The following REL variants were observed in gnomAD, a reference collection of about 807,000 sequenced individuals.
REL encodes the protein REL proto-oncogene, NF-kB subunit.
A neutral mutation model predicts 45.9 loss-of-function variants in REL; 15 were observed. That is an observed-to-expected ratio of 0.33 (90% CI 0.22 to 0.50). REL has a LOEUF of 0.50. REL is among the 20% of genes least tolerant of loss of function. The probability of loss-of-function intolerance (pLI) is 0.98; values close to 1 mark genes in which losing one functional copy is unlikely to be tolerated. For synonymous variants in REL, 239 were observed against 242.1 expected, an observed-to-expected ratio of 0.99 and a Z score of 0.12; for missense variants, 601 against 715.2, an observed-to-expected ratio of 0.84 and a Z score of 1.82.
chr2:60,920,288 G>GC (rs1674102965), intron 8 of REL, 179 bp downstream of exon 8: 1 of 622,956 alleles, frequency 1.6e-6, no homozygotes, highest in Admixed American at 3.0e-5. Flanking sequence ...TGCAACCTCT[G>GC]CCCCCCAGGT....
rs34661029 is a variant in REL, at chr2:60,921,853, C to G, written c.1082C>G (p.Pro361Arg). The G allele has an allele frequency of 1.0e-3, 1,647 of 1,614,094 alleles. 12 individuals are homozygous for G. In the African/African-American group the frequency reaches 0.019, roughly 19 times the overall value. The change falls in exon 10 of 10, where the codon CCC becomes CGC. Residue 361 changes from proline (P) to arginine (R), a missense_variant. By Grantham distance (103) the Pro-to-Arg change is moderately radical. This residue lies in a region of REL where 334 missense variants were observed against 333.1 expected (regional missense o/e 1.00). Coordinates refer to ENST00000394479, the MANE Select transcript of REL (RefSeq NM_001291746.2). ...GAATCCTACTATCCCTCACCTGGGC[C>G]CATCTCAAGTGGATTGTCACATCAT... ...QAESYYPSPGPISSGLSHHAS... is the reference protein window; with the variant it reads ...QAESYYPSPGRISSGLSHHAS...
Position 60,918,712 on chromosome 2 carries a change from A to G in REL, c.853+106A>G, listed in dbSNP as rs935264709. 7.8e-6 allele frequency: 6 copies of G among 774,058 alleles called. No individual in the cohort carries two copies. In the African/African-American group the frequency reaches 8.9e-5, roughly 11 times the overall value. 47.9% of individuals were successfully genotyped at this position (774,058 alleles called of 1,614,324 possible). On this transcript the variant is annotated intron_variant, in intron 7 of 9. Transcript: ENST00000394479. ...GTACAGTTATGTATATTCATAATTT[A>G]TGTTTCTTTTCCTGGAAGCTTTCTG...
intron 4 of REL, chr2:60,911,228 A>C (rs1673804284): frequency 6.6e-6 from 1 of 152,204 alleles, no homozygotes; most frequent in African/African-American, 2.4e-5. Context: ...AAATAAAACT[A>C]TAATTATTTG....
Position 60,929,667 on chromosome 2 carries a change from T to G in REL, c.*7132T>G, listed in dbSNP as rs1674344853. 4.1e-5 allele frequency: 4 copies of G among 96,492 alleles called. No homozygotes were observed. The highest frequency in any genetic ancestry group is 3.4e-4 in the East Asian group (1 of 2,960). The allele number at this position is 96,492 out of a possible 1,614,324, so 6.0% of individuals were successfully genotyped here. A position where few individuals can be genotyped will look rare whatever the true frequency, so the allele number is the denominator to read the frequency against. On this transcript the variant is annotated 3_prime_UTR_variant, in exon 10 of 10. Transcript: ENST00000394479. ...AGGGGAATATCACACTGGGGACTGT[T>G]GTGGGGTGGGGGGAGGGGGGAGGGA...
chr2:60,918,049 G>C (rs1674031601), intron 5 of REL, 142 bp from the exon 6 acceptor site: 2 of 586,746 alleles, frequency 3.4e-6, no homozygotes, highest in East Asian at 5.7e-5. Context: ...CAGATAAATA[G>C]ATGATTAATG....
At chr2:60,903,344 G>A (rs1390778144) in intron 4 of REL, among the ~76,000 whole-genome samples, 1 of 152,180 alleles carries the variant, frequency 6.6e-6, no homozygotes, top group Non-Finnish European at 1.5e-5. Context: ...CATTAAAAAG[G>A]AAGATGCTGT....
intron 3 of REL, chr2:60,899,691 G>C (rs1004222378): frequency 2.6e-5 from 4 of 152,216 alleles, no homozygotes; most frequent in Non-Finnish European, 4.4e-5. Flanking sequence ...ATTGAGTTTT[G>C]CTTCCTTATT....
intron 1 of REL, 93 bp downstream of exon 1, chr2:60,881,943 C>A: frequency 2.4e-6 from 2 of 837,786 alleles, no homozygotes; most frequent in Non-Finnish European, 3.4e-6. Context: ...TCAGTTTTTG[C>A]TGGGGCGCGT....
intron 3 of REL, chr2:60,900,249 A>T (rs922280937): frequency 6.6e-6 from 1 of 152,268 alleles, no homozygotes; most frequent in Admixed American, 6.5e-5. Flanking sequence ...TTTTAAAAAT[A>T]TAGGCAACAC....
intron 4 of REL, among the ~76,000 whole-genome samples, chr2:60,911,994 CA>C (rs763342298): frequency 0.073 from 2,712 of 37,322 alleles, 22 homozygotes; most frequent in African/African-American, 0.17. Context: ...AAGACTGTCT[CA>C]AAAAAAAAAA....
chr2:60,910,597 G>T (rs947573580), intron 4 of REL, among the ~76,000 whole-genome samples: 14 of 151,956 alleles, frequency 9.2e-5, no homozygotes, highest in African/African-American at 3.4e-4. Flanking sequence ...GAGAGAAGTC[G>T]ATTGGTCTCA....
intron 4 of REL, among the ~76,000 whole-genome samples, chr2:60,906,385 C>A (rs1462945035): frequency 6.6e-6 from 1 of 152,154 alleles, no homozygotes; most frequent in Non-Finnish European, 1.5e-5. Context: ...ATTAATTTTA[C>A]AATCAGTGGT....
rs537851322 is a variant in REL at position 60,927,191 on chromosome 2, G to A, written c.*4656G>A. On this transcript the variant is annotated 3_prime_UTR_variant, in exon 10 of 10. Transcript: ENST00000394479. ...AGTCCCTAGTATACTAGTTGGTGCT[G>A]AATAAATAGTAGCTATTATTAGAAA... 26 of 225,830 alleles carry A rather than the reference G, an allele frequency of 1.2e-4. 1 individual carries two copies. Among genetic ancestry groups the A allele is most frequent in the African/African-American group, 4.2e-4 (19 of 45,036 alleles). 14.0% of individuals were successfully genotyped at this position (225,830 alleles called of 1,614,324 possible).
chr2:60,918,995 G>A (rs1674058344), intron 7 of REL, among the ~76,000 whole-genome samples: 1 of 152,118 alleles, frequency 6.6e-6, no homozygotes, highest in Non-Finnish European at 1.5e-5. Flanking sequence ...GTTTCACCAT[G>A]TTGGCTAGGC....
At chr2:60,912,090 C>A in intron 4 of REL, among the ~76,000 whole-genome samples, 1 of 145,196 alleles carries the variant, frequency 6.9e-6, no homozygotes, top group Non-Finnish European at 1.5e-5. Context: ...TAAACAGGAA[C>A]AGAATATAGA....
chr2:60,900,816 C>T (rs1191184472), intron 3 of REL, 176 bp from the exon 4 acceptor site: 1 of 576,078 alleles, frequency 1.7e-6, no homozygotes, highest in East Asian at 3.6e-5. Context: ...AGCCACGCGC[C>T]CAGCCATATA....
At chr2:60,884,365 A>G (rs992462974) in intron 1 of REL, among the ~76,000 whole-genome samples, 2 of 149,630 alleles carry the variant, frequency 1.3e-5, no homozygotes, top group African/African-American at 4.9e-5. Context: ...TGTATATAAT[A>G]TGATTCTAAA....
At chr2:60,902,047 A>AGG (rs749514002) in intron 4 of REL, among the ~76,000 whole-genome samples, 9 of 152,284 alleles carry the variant, frequency 5.9e-5, no homozygotes, top group Non-Finnish European at 1.0e-4. Context: ...TCCTATACTT[A>AGG]GAGTAGCCTC....
At position 60,922,546 on chromosome 2, in the gene REL, T is replaced by G; in HGVS notation, c.*11T>G. ...TTTTTTCAAGTATAACTTGCAAGATTTAAATCCTTTTAAATCTTGATACCA... is the reference window on the plus strand; with the variant it reads ...TTTTTTCAAGTATAACTTGCAAGATGTAAATCCTTTTAAATCTTGATACCA... On this transcript the variant is annotated 3_prime_UTR_variant, in exon 10 of 10. Coordinates refer to ENST00000394479, the MANE Select transcript of REL (RefSeq NM_001291746.2). The G allele has an allele frequency of 6.4e-7, 1 of 1,572,862 alleles. No individual in the cohort carries two copies. Among genetic ancestry groups the G allele is most frequent in the Non-Finnish European group, 8.6e-7 (1 of 1,161,986 alleles).
Sources: allele counts gnomAD v4.1 joint callset (sites outside exome capture counted in the v4.1 genomes callset), GRCh38; gene constraint gnomAD v4.1.1; regional missense constraint gnomAD v4.1.1; transcripts MANE v1.5; gene names NCBI Gene and HGNC (gene_info 2026-07-23, HGNC 2026-07-21).